Variants in SEMA6A observed in about 807,000 individuals in gnomAD.
SEMA6A encodes the protein semaphorin 6A.
In SEMA6A, 25 loss-of-function variants were observed where a neutral mutation model predicts 96.8. The ratio of observed to expected loss-of-function variants is 0.26; its 90% CI spans 0.19 to 0.36. The LOEUF (loss-of-function observed/expected upper bound fraction) is 0.36. Ranked by LOEUF, SEMA6A falls within the 10% of genes least tolerant of loss-of-function variation. SEMA6A has a pLI of 1.00. For synonymous variants in SEMA6A, 612 were observed against 518.0 expected (o/e 1.18, Z -2.46); for missense variants, 1,363 against 1,323.1 (o/e 1.03, Z -0.47).
At chr5:116,488,771 T>C in intron 8 of SEMA6A, 117 bp downstream of exon 8, 4 of 1,233,604 alleles carry the variant, frequency 3.2e-6, no homozygotes, top group Non-Finnish European at 4.3e-6. Context: ...CATGTTTCTG[T>C]CTGTCAGAAG....
At chr5:116,454,024 T>A (rs2112597367) in intron 18 of SEMA6A, among the ~76,000 whole-genome samples, 1 of 152,236 alleles carries the variant, frequency 6.6e-6, no homozygotes, top group African/African-American at 2.4e-5. Context: ...AATGGTTAAG[T>A]GTGCACTTTC....
chr5:116,528,277 C>T (rs1192028616), intron 1 of SEMA6A, among the ~76,000 whole-genome samples: 2 of 152,158 alleles, frequency 1.3e-5, no homozygotes, highest in Admixed American at 1.3e-4. Context: ...AAACTTCCAG[C>T]CAGGTTTCTT....
chr5:116,557,452 T>G (rs753852752), intron 1 of SEMA6A, among the ~76,000 whole-genome samples: 4 of 152,254 alleles, frequency 2.6e-5, no homozygotes, highest in Non-Finnish European at 5.9e-5. Context: ...CCTCAAGCCA[T>G]TGGCCTGCTT....
chr5:116,461,876 T>C (rs1305093194), intron 18 of SEMA6A, among the ~76,000 whole-genome samples: 1 of 152,162 alleles, frequency 6.6e-6, no homozygotes, highest in East Asian at 1.9e-4. Context: ...TTACTCTTTA[T>C]TGGCATCCAA....
intron 18 of SEMA6A, among the ~76,000 whole-genome samples, chr5:116,457,540 T>G (rs1036922933): frequency 6.6e-6 from 1 of 152,076 alleles, no homozygotes; most frequent in East Asian, 1.9e-4. Context: ...GGAAAAAAAT[T>G]TATTACCCCA....
chr5:116,455,610 C>G (rs918172727), intron 18 of SEMA6A, among the ~76,000 whole-genome samples: 17 of 152,144 alleles, frequency 1.1e-4, no homozygotes, highest in Non-Finnish European at 7.3e-5. Context: ...GAAATTTGGG[C>G]AAGTCTTTGC....
intron 1 of SEMA6A, among the ~76,000 whole-genome samples, chr5:116,519,299 T>C (rs918023491): frequency 1.3e-5 from 2 of 152,232 alleles, no homozygotes; most frequent in Non-Finnish European, 2.9e-5. Flanking sequence ...TTTTTGAAAG[T>C]AATTCTATTC....
chr5:116,483,197 T>C (rs1756877958), intron 10 of SEMA6A, among the ~76,000 whole-genome samples: 1 of 152,200 alleles, frequency 6.6e-6, no homozygotes, highest in Admixed American at 6.5e-5. Flanking sequence ...AAGTGATAAA[T>C]AACAATAATG....
At chr5:116,573,069 T>C (rs964373220) in intron 1 of SEMA6A, among the ~76,000 whole-genome samples, 31 of 151,780 alleles carry the variant, frequency 2.0e-4, no homozygotes, top group Non-Finnish European at 1.6e-4. Flanking sequence ...CTCAGGATCC[T>C]GTTTTGCACC....
chr5:116,447,161 T>C lies in SEMA6A; in HGVS notation c.2545A>G (p.Thr849Ala), dbSNP rs780276825. ...TCCTTGATGGTCTTATACTCCAGTGTGGCGGCCTGGTCCTCCAGCGCCATC... is the reference window on the plus strand; with the variant it reads ...TCCTTGATGGTCTTATACTCCAGTGCGGCGGCCTGGTCCTCCAGCGCCATC... Reference protein sequence around the residue: ...AQMALEDQAATLEYKTIKEHL... With the variant: ...AQMALEDQAAALEYKTIKEHL... Residue 849 changes from threonine to alanine, a missense_variant, in exon 19 of 19, where the codon ACA (threonine) becomes GCA (alanine). Transcript: ENST00000343348. The C allele has an allele frequency of 6.2e-7, 1 of 1,614,036 alleles. No individual in the cohort carries two copies. The highest frequency in any genetic ancestry group is 1.7e-5 in the Admixed American group (1 of 60,034).
chr5:116,446,521 G>A lies in SEMA6A; in HGVS notation c.*92C>T. The A allele has an allele frequency of 1.8e-6, 2 of 1,110,194 alleles. No individual in the cohort carries two copies. The highest frequency in any genetic ancestry group is 3.1e-5 in the Admixed American group (1 of 32,066). 68.8% of individuals were successfully genotyped at this position (1,110,194 alleles called of 1,614,324 possible). On this transcript the variant is annotated 3_prime_UTR_variant, in exon 19 of 19. Transcript: ENST00000343348. ...GCTCTGCCGCAGGCCTTCTTGGTCT[G>A]GTGGGTACTCGAGGCAGTTGAGAAC...
intron 8 of SEMA6A, among the ~76,000 whole-genome samples, 170 bp downstream of exon 8, chr5:116,488,718 A>G (rs1015643546): frequency 7.9e-5 from 12 of 152,150 alleles, no homozygotes; most frequent in Non-Finnish European, 8.8e-5. Flanking sequence ...GGGAAGGAAA[A>G]AAGGGAGGTA....
At chr5:116,540,206 A>C (rs980350169) in intron 1 of SEMA6A, among the ~76,000 whole-genome samples, 3 of 152,268 alleles carry the variant, frequency 2.0e-5, no homozygotes, top group Non-Finnish European at 4.4e-5. Context: ...TATATAAAAC[A>C]GTATATTTTA....
intron 1 of SEMA6A, among the ~76,000 whole-genome samples, chr5:116,560,149 C>CG (rs1390693562): frequency 6.6e-6 from 1 of 152,194 alleles, no homozygotes; most frequent in Admixed American, 6.5e-5. Context: ...CTCCCAAATA[C>CG]GGAGACCTCA....
At chr5:116,459,342 T>C (rs575843758) in intron 18 of SEMA6A, among the ~76,000 whole-genome samples, 5 of 152,326 alleles carry the variant, frequency 3.3e-5, no homozygotes, top group Admixed American at 3.3e-4. Context: ...CAATTTATTA[T>C]ATATGTATCA....
rs150112687 is a variant in SEMA6A, at chr5:116,496,066, T to C, written c.342+185A>G. On this transcript the variant is annotated intron_variant, in intron 5 of 18. Transcript: ENST00000343348. Reference sequence around the variant, plus strand: ...GATGCAGGCCTAGCAGCTGTTGTAATGTTTCATCACATTAAAAGCAAACTA... The same window carrying C: ...GATGCAGGCCTAGCAGCTGTTGTAACGTTTCATCACATTAAAAGCAAACTA... 1,015 of 546,668 alleles carry C rather than the reference T, an allele frequency of 1.9e-3. 9 individuals are homozygous for C. Among genetic ancestry groups the C allele is most frequent in the African/African-American group, 0.017 (907 of 52,054 alleles). The allele number at this position is 546,668 out of a possible 1,614,324, so 33.9% of individuals were successfully genotyped here.
chr5:116,481,931 C>T (rs1256789185), intron 11 of SEMA6A, among the ~76,000 whole-genome samples: 1 of 152,164 alleles, frequency 6.6e-6, no homozygotes, highest in Non-Finnish European at 1.5e-5. Context: ...CCAGAGACAT[C>T]TTAATGGTCC....
intron 1 of SEMA6A, among the ~76,000 whole-genome samples, chr5:116,529,352 C>A (rs1050924687): frequency 2.6e-5 from 4 of 152,032 alleles, no homozygotes; most frequent in Admixed American, 6.6e-5. Context: ...CTATAATGAA[C>A]AACAACAACC....
rs150076958 is a variant in SEMA6A, at chr5:116,535,601, T to G, written c.-38-30619A>C. ...ACCCACAAAGAATCACCATTTATAA[T>G]AGATGTCCTACTAATTCCATGCGGT... On this transcript the variant is annotated intron_variant, in intron 1 of 18. Transcript: ENST00000343348. Among the ~76,000 whole-genome samples the G allele has an allele frequency of 7.9e-5, 12 of 152,182 alleles. 1 individual carries two copies. Among genetic ancestry groups the G allele is most frequent in the Admixed American group, 5.9e-4 (9 of 15,280 alleles).
Sources: allele counts gnomAD v4.1 joint callset (sites outside exome capture counted in the v4.1 genomes callset), GRCh38; gene constraint gnomAD v4.1.1; transcripts MANE v1.5; gene names NCBI Gene and HGNC (gene_info 2026-07-23, HGNC 2026-07-21).